Variants in ARHGEF7 observed in about 807,000 individuals in gnomAD.
ARHGEF7 encodes Rho guanine nucleotide exchange factor 7.
In ARHGEF7, 33 loss-of-function variants were observed where a neutral mutation model predicts 109.8. The ratio of observed to expected loss-of-function variants is 0.30; its 90% CI spans 0.23 to 0.40. ARHGEF7 has a LOEUF of 0.40. Among genes scored for constraint, ARHGEF7 ranks in the 10% least tolerant of loss-of-function variants. The pLI is 1.00. For missense variants in ARHGEF7, 938 were observed against 1,098.5 expected (o/e 0.85, Z 2.07); for synonymous variants, 458 against 424.6 (o/e 1.08, Z -0.97).
intron 2 of ARHGEF7, chr13:111,185,341 A>AGG (rs1566743698): frequency 6.6e-6 from 1 of 152,256 alleles, no homozygotes; most frequent in Non-Finnish European, 1.5e-5. Flanking sequence ...TCCTGTCCCC[A>AGG]GGGATCTCCT....
Position 111,199,906 on chromosome 13 carries a change from G to A in ARHGEF7, c.253-5383G>A, listed in dbSNP as rs576665768. Among the ~76,000 whole-genome samples the A allele has an allele frequency of 2.6e-5, 4 of 152,260 alleles. No homozygotes were observed. The South Asian group carries it at 8.3e-4, about 32-fold the overall frequency. The stretch of plus-strand genomic sequence containing the variant: ...CCTGATATGCCTGTTACAGATGGTG[G>A]CCTTAGGTCCACATTTGCATGGGCT... On this transcript the variant is annotated intron_variant, in intron 2 of 21. Coordinates refer to ENST00000646102, the MANE Select transcript of ARHGEF7 (RefSeq NM_001354046.2).
At chr13:111,124,864 A>C (rs1320370655) in intron 1 of ARHGEF7, among the ~76,000 whole-genome samples, 1 of 152,114 alleles carries the variant, frequency 6.6e-6, no homozygotes, top group African/African-American at 2.4e-5. Flanking sequence ...GGTTCAAGTG[A>C]TTCTCTTGCC....
chr13:111,297,843 T>C (rs569030227), intron 19 of ARHGEF7, among the ~76,000 whole-genome samples: 3 of 152,354 alleles, frequency 2.0e-5, no homozygotes, highest in African/African-American at 7.2e-5. Context: ...AAACAGATGA[T>C]ATAAACAGGT....
Position 111,217,838 on chromosome 13 carries a change from G to C in ARHGEF7, c.628G>C (p.Gly210Arg). 2 of 1,613,754 alleles carry C rather than the reference G, an allele frequency of 1.2e-6. No homozygotes were observed. Among genetic ancestry groups the C allele is most frequent in the Non-Finnish European group, 1.7e-6 (2 of 1,179,654 alleles). ...WWEGTLNGRTGWFPSNYVREV... is the reference protein window; with the variant it reads ...WWEGTLNGRTRWFPSNYVREV... ...GGAGGGCACACTCAACGGCCGGACC[G>C]GCTGGTTCCCCAGCAACTACGTGCG... is the stretch of plus-strand genomic sequence containing the variant. Residue 210 changes from glycine (G) to arginine (R), a missense_variant, in exon 5 of 22, where the codon GGC (glycine) becomes CGC (arginine). Gly to Arg is a moderately radical substitution (Grantham distance 125). Around this residue, in one of 4 missense-constraint regions of ARHGEF7, gnomAD observed 585 missense variants for 723.6 expected, o/e 0.81. Coordinates refer to ENST00000646102, the MANE Select transcript of ARHGEF7 (RefSeq NM_001354046.2).
intron 5 of ARHGEF7, among the ~76,000 whole-genome samples, chr13:111,225,309 G>C (rs2085045837): frequency 6.6e-6 from 1 of 152,106 alleles, no homozygotes; most frequent in South Asian, 2.1e-4. Context: ...CATGCTTGTA[G>C]CATGTGATAG....
intron 21 of ARHGEF7, among the ~76,000 whole-genome samples, chr13:111,301,776 C>G (rs2093574483): frequency 6.6e-6 from 1 of 152,094 alleles, no homozygotes; most frequent in African/African-American, 2.4e-5. Flanking sequence ...GCCTGTAACC[C>G]AGCTACTTGG....
At chr13:111,295,375 G>A (rs1030536384) in intron 19 of ARHGEF7, among the ~76,000 whole-genome samples, 1 of 152,212 alleles carries the variant, frequency 6.6e-6, no homozygotes, top group East Asian at 1.9e-4. Flanking sequence ...TTCTGGACAA[G>A]ACGAAGTCAC....
intron 1 of ARHGEF7, among the ~76,000 whole-genome samples, chr13:111,139,742 G>A (rs974361495): frequency 9.9e-5 from 15 of 152,218 alleles, no homozygotes; most frequent in African/African-American, 3.6e-4. Flanking sequence ...GCTGTAACCA[G>A]AGCTTGCTCT....
chr13:111,221,355 A>ATATATATC lies in ARHGEF7; in HGVS notation c.670+3482_670+3483insCTATATAT, dbSNP rs2084020278. Among the ~76,000 whole-genome samples, 2 of 24,946 alleles carry ATATATATC rather than the reference A, an allele frequency of 8.0e-5. 1 individual carries two copies. The highest frequency in any genetic ancestry group is 2.6e-4 in the African/African-American group (2 of 7,606). The allele number at this position is 24,946 out of a possible 152,430, so 16.4% of individuals were successfully genotyped here. On this transcript the variant is annotated intron_variant, in intron 5 of 21. Coordinates refer to ENST00000646102, the MANE Select transcript of ARHGEF7 (RefSeq NM_001354046.2). The stretch of plus-strand genomic sequence containing the variant: ...TCTATATATATCTATATATATGTCT[A>ATATATATC]TATATATATCTATATATATATCTAT...
intron 6 of ARHGEF7, among the ~76,000 whole-genome samples, chr13:111,234,842 C>G (rs1258387573): frequency 6.6e-6 from 1 of 151,672 alleles, no homozygotes; most frequent in Non-Finnish European, 1.5e-5. Flanking sequence ...CCCACATTAC[C>G]CGAGACACCT....
intron 4 of ARHGEF7, among the ~76,000 whole-genome samples, chr13:111,213,586 G>A (rs1219611680): frequency 6.6e-6 from 1 of 152,130 alleles, no homozygotes; most frequent in East Asian, 1.9e-4. Context: ...TTTTAGCAAT[G>A]GGATTCTGTG....
chr13:111,162,282 C>T (rs1394858028), intron 2 of ARHGEF7, among the ~76,000 whole-genome samples: 1 of 152,130 alleles, frequency 6.6e-6, no homozygotes, highest in Admixed American at 6.5e-5. Flanking sequence ...CTTTATATTT[C>T]TGGGGAGATT....
intron 8 of ARHGEF7, among the ~76,000 whole-genome samples, chr13:111,246,131 T>C (rs1403693503): frequency 6.6e-6 from 1 of 152,238 alleles, no homozygotes; most frequent in African/African-American, 2.4e-5. Context: ...TTAAAGGATA[T>C]TTGTTAATTT....
intron 2 of ARHGEF7, among the ~76,000 whole-genome samples, chr13:111,189,479 G>A (rs893304588): frequency 1.4e-4 from 22 of 152,222 alleles, no homozygotes; most frequent in African/African-American, 4.6e-4. Context: ...GAGTAGGTTC[G>A]TGGTCTTGCT....
intron 2 of ARHGEF7, chr13:111,186,958 C>T (rs1002469538): frequency 1.5e-5 from 15 of 985,522 alleles, no homozygotes; most frequent in Middle Eastern, 5.2e-4. Flanking sequence ...GCCAGCGCTA[C>T]CATGGAGGCA....
rs1160219387 is a variant in ARHGEF7, at chr13:111,239,481, A to G, written c.760-4391A>G. On this transcript the variant is annotated intron_variant, in intron 6 of 21. Coordinates refer to ENST00000646102, the MANE Select transcript of ARHGEF7 (RefSeq NM_001354046.2). The surrounding 1 kb of genome is among the most constrained non-coding windows in gnomAD (Gnocchi z 4.3). ...GGAGGAAAACCTGAGCCTCCTGGTG[A>G]CAGGGTGTCTTCGGTCTCCATCCAT... Among the ~76,000 whole-genome samples, 1 of 152,080 alleles carries G rather than the reference A, an allele frequency of 6.6e-6. No homozygotes were observed. Among genetic ancestry groups the G allele is most frequent in the Non-Finnish European group, 1.5e-5 (1 of 68,026 alleles).
In ARHGEF7 at chr13:111,258,978, G is replaced by GGTTTCCT. The variant is rs2090776569; in HGVS notation, c.951-8568_951-8562dup. ...AGGCCCGGTGGTGGCTACAGGGAGA[G>GGTTTCCT]GTTTCCTGCTTATGGAAAAGGGGAG... On this transcript the variant is annotated intron_variant, in intron 8 of 21. Transcript: ENST00000646102. The surrounding 1 kb of genome is among the most constrained non-coding windows in gnomAD (Gnocchi z 4.4). Among the ~76,000 whole-genome samples, 1 of 152,124 alleles carries GGTTTCCT rather than the reference G, an allele frequency of 6.6e-6. No homozygotes were observed. The highest frequency in any genetic ancestry group is 2.1e-4 in the South Asian group (1 of 4,834).
At chr13:111,121,045 G>C (rs1050829317) in intron 1 of ARHGEF7, among the ~76,000 whole-genome samples, 3 of 152,222 alleles carry the variant, frequency 2.0e-5, no homozygotes, top group South Asian at 2.1e-4. Flanking sequence ...GAGCACCCAG[G>C]GGGGACAAAA....
At position 111,303,182 on chromosome 13, in the gene ARHGEF7, G is replaced by T. The variant is rs1048530939; in HGVS notation, c.*69G>T. ...AAGCTGGGCACCCCTGACCCAAGTC[G>T]GGGTGCACTCAGGACCACAGGGCAG... On this transcript the variant is annotated 3_prime_UTR_variant, in exon 22 of 22. Transcript: ENST00000646102. The T allele has an allele frequency of 2.1e-6, 3 of 1,412,246 alleles. No individual in the cohort carries two copies. Among genetic ancestry groups the T allele is most frequent in the East Asian group, 2.9e-5 (1 of 34,558 alleles). 87.5% of individuals were successfully genotyped at this position (1,412,246 alleles called of 1,614,324 possible). A position where few individuals can be genotyped will look rare whatever the true frequency, so the allele number is the denominator to read the frequency against.
Sources: allele counts gnomAD v4.1 joint callset (sites outside exome capture counted in the v4.1 genomes callset), GRCh38; gene constraint gnomAD v4.1.1; regional missense constraint gnomAD v4.1.1; non-coding constraint Gnocchi (gnomAD v3.1); transcripts MANE v1.5; gene names NCBI Gene and HGNC (gene_info 2026-07-23, HGNC 2026-07-21).